Variants in MED13L observed in about 807,000 individuals in gnomAD.
MED13L encodes mediator of RNA polymerase II transcription subunit 13-like.
A neutral mutation model predicts 220.9 loss-of-function variants in MED13L; 7 were observed. That is an observed-to-expected ratio of 0.03 (90% CI 0.02 to 0.06). The LOEUF is 0.06. Among genes scored for constraint, MED13L ranks in the 10% least tolerant of loss-of-function variants. The pLI, the probability that MED13L is intolerant of heterozygous loss-of-function variation, is 1.00. For synonymous variants in MED13L, 1,011 were observed against 1,015.2 expected, an observed-to-expected ratio of 1.00 and a Z score of 0.08; for missense variants, 1,965 against 2,760.5, an observed-to-expected ratio of 0.71 and a Z score of 6.46.
chr12:116,096,538 C>T, intron 4 of MED13L, 131 bp downstream of exon 4: 1 of 653,920 alleles, frequency 1.5e-6, no homozygotes, highest in Non-Finnish European at 2.8e-6. Flanking sequence ...TATTTAAGAA[C>T]ACTGTGATCC....
chr12:116,252,449 G>C (rs1244575701), intron 1 of MED13L, among the ~76,000 whole-genome samples: 2 of 152,082 alleles, frequency 1.3e-5, no homozygotes, highest in African/African-American at 4.8e-5. Context: ...TGAGGTGAGA[G>C]GATCACTTGA....
intron 2 of MED13L, among the ~76,000 whole-genome samples, chr12:116,203,012 AT>A (rs1882098125): frequency 6.6e-6 from 1 of 152,208 alleles, no homozygotes; most frequent in Non-Finnish European, 1.5e-5. Flanking sequence ...TTTCAGATTT[AT>A]TTTATGCTTG....
intron 1 of MED13L, among the ~76,000 whole-genome samples, chr12:116,273,515 CTACATT>C (rs1227844850): frequency 1.3e-5 from 2 of 151,686 alleles, no homozygotes; most frequent in African/African-American, 4.8e-5. Context: ...TTCAGACTTT[CTACATT>C]TACAACTACC....
At chr12:116,229,283 A>G (rs77015480) in intron 2 of MED13L, among the ~76,000 whole-genome samples, 119 of 152,340 alleles carry the variant, frequency 7.8e-4, no homozygotes, top group African/African-American at 2.6e-3. Context: ...TCTAGTGTTA[A>G]GACAATTTTC....
At chr12:116,212,455 T>C (rs1882757336) in intron 2 of MED13L, among the ~76,000 whole-genome samples, 1 of 152,198 alleles carries the variant, frequency 6.6e-6, no homozygotes, top group South Asian at 2.1e-4. Context: ...GAGAATTCAA[T>C]CCCACAATTT....
At position 116,022,598 on chromosome 12, in the gene MED13L, C is replaced by T. The variant is rs1566015657; in HGVS notation, c.483G>A (p.Glu161=). The T allele has an allele frequency of 1.2e-6, 2 of 1,611,754 alleles. No homozygotes were observed. Among genetic ancestry groups the T allele is most frequent in the Non-Finnish European group, 1.7e-6 (2 of 1,178,846 alleles). The change falls in exon 5 of 31, where the codon GAG becomes GAA. Residue 161 remains glutamate (E), a synonymous_variant. Coordinates refer to ENST00000281928, the MANE Select transcript of MED13L (RefSeq NM_015335.5). ...EKDEKPVNKS[E]HLSCAFTFFL... ...AGAATGTGAAAGCACAGGACAAATG[C>T]TCACTACAAAAGAGAGAATGAGAAA...
chr12:116,006,472 G>C (rs1879053304), intron 11 of MED13L, 61 bp from the exon 12 acceptor site: 2 of 1,288,550 alleles, frequency 1.6e-6, no homozygotes, highest in South Asian at 2.4e-5. Flanking sequence ...TGAAATATGA[G>C]GGAGAACACA....
intron 4 of MED13L, among the ~76,000 whole-genome samples, chr12:116,056,711 A>C (rs1262084071): frequency 6.6e-6 from 1 of 152,200 alleles, no homozygotes; most frequent in Admixed American, 6.5e-5. Context: ...AATCATCATC[A>C]GATAATATTC....
intron 1 of MED13L, among the ~76,000 whole-genome samples, chr12:116,263,881 A>G (rs957770302): frequency 6.6e-6 from 1 of 152,148 alleles, no homozygotes; most frequent in African/African-American, 2.4e-5. Flanking sequence ...TTGCCAATCA[A>G]TGGATTGCTA....
At chr12:116,136,131 G>C (rs1262348243) in intron 2 of MED13L, among the ~76,000 whole-genome samples, 1 of 152,130 alleles carries the variant, frequency 6.6e-6, no homozygotes, top group Non-Finnish European at 1.5e-5. Flanking sequence ...TTGAATTTCT[G>C]ACCTCATGAT....
At chr12:116,208,752 G>T (rs1454151917) in intron 2 of MED13L, among the ~76,000 whole-genome samples, 1 of 152,190 alleles carries the variant, frequency 6.6e-6, no homozygotes, top group Non-Finnish European at 1.5e-5. Context: ...CACTGCTTGA[G>T]GCTGGGAGTT....
intron 1 of MED13L, among the ~76,000 whole-genome samples, chr12:116,255,444 A>C (rs1226531696): frequency 6.6e-6 from 1 of 152,244 alleles, no homozygotes; most frequent in Non-Finnish European, 1.5e-5. Context: ...AAGAAATCAT[A>C]AGAAAAAAAC....
chr12:116,186,628 T>A (rs1022207488), intron 2 of MED13L, among the ~76,000 whole-genome samples: 26 of 152,140 alleles, frequency 1.7e-4, no homozygotes, highest in African/African-American at 6.0e-4. Flanking sequence ...CCATACAACA[T>A]CTTTACAGTG....
chr12:116,073,457 T>G (rs1870547735), intron 4 of MED13L, among the ~76,000 whole-genome samples: 1 of 152,188 alleles, frequency 6.6e-6, no homozygotes, highest in African/African-American at 2.4e-5. Context: ...ATTCTCTCAT[T>G]CAATCGTTCA....
At chr12:116,012,973 G>T in intron 8 of MED13L, 72 bp from the exon 9 acceptor site, 1 of 1,087,220 alleles carries the variant, frequency 9.2e-7, no homozygotes, top group Non-Finnish European at 1.4e-6. Context: ...ATGTTCAAGA[G>T]TTGAATACAT....
intron 2 of MED13L, among the ~76,000 whole-genome samples, chr12:116,228,349 C>G (rs1869212790): frequency 6.6e-6 from 1 of 152,166 alleles, no homozygotes; most frequent in Non-Finnish European, 1.5e-5. Flanking sequence ...TAGGGTCTTA[C>G]TGTGTCACTC....
intron 2 of MED13L, among the ~76,000 whole-genome samples, chr12:116,193,017 A>G (rs985583938): frequency 2.0e-5 from 3 of 152,090 alleles, no homozygotes; most frequent in Non-Finnish European, 2.9e-5. Flanking sequence ...AGTCCCAGCT[A>G]CTCAGGGGGC....
At chr12:116,119,838 A>T (rs56394739) in intron 2 of MED13L, among the ~76,000 whole-genome samples, 10,317 of 30,740 alleles carry the variant, frequency 0.34, 2,420 homozygotes, top group Middle Eastern at 0.46. Flanking sequence ...AAAAAAAAAA[A>T]ATATATATAT....
chr12:116,271,121 G>A (rs1433940134), intron 1 of MED13L, among the ~76,000 whole-genome samples: 2 of 151,090 alleles, frequency 1.3e-5, no homozygotes, highest in African/African-American at 2.4e-5. Context: ...TCAAGAGGGG[G>A]GAAAATGTCC....
Sources: allele counts gnomAD v4.1 joint callset (sites outside exome capture counted in the v4.1 genomes callset), GRCh38; gene constraint gnomAD v4.1.1; transcripts MANE v1.5; gene names NCBI Gene and HGNC (gene_info 2026-07-23, HGNC 2026-07-21).